DENND1A: variants seen among roughly 807,000 people sequenced by gnomAD.
The protein encoded by DENND1A is DENN domain containing 1A.
Under a neutral mutation model 113.7 loss-of-function variants are expected in DENND1A, and 51 were observed. The ratio of observed to expected loss-of-function variants is 0.45; its 90% CI spans 0.36 to 0.57. The LOEUF is 0.57. DENND1A is among the 20% of genes least tolerant of loss of function. The pLI is 0.00. For missense variants in DENND1A, 1,258 were observed against 1,395.9 expected, an observed-to-expected ratio of 0.90 and a Z score of 1.57; for synonymous variants, 565 against 570.8, an observed-to-expected ratio of 0.99 and a Z score of 0.14.
chr9:123,837,787 T>C (rs1473578612), intron 2 of DENND1A, among the ~76,000 whole-genome samples: 1 of 152,160 alleles, frequency 6.6e-6, no homozygotes, highest in African/African-American at 2.4e-5. Flanking sequence ...ACAGTGCTAG[T>C]CTACTTTGAC....
rs1302273995 is a variant in DENND1A at position 123,875,624 on chromosome 9, C to T, written c.88+3327G>A. 2.6e-5 allele frequency among the ~76,000 whole-genome samples: 4 copies of T among 152,172 alleles called. No homozygotes were observed. The South Asian group carries it at 6.2e-4, about 24-fold the overall frequency. ...ACCCTATTCCCCACTGACAGCTATC[C>T]TTAGGCCACCCTTAGACCTAGGGAT... is the stretch of plus-strand genomic sequence containing the variant. On this transcript the variant is annotated intron_variant, in intron 2 of 23. Transcript: ENST00000394215.
At chr9:123,802,394 C>CTGGT (rs1834824060) in intron 2 of DENND1A, among the ~76,000 whole-genome samples, 1 of 82,144 alleles carries the variant, frequency 1.2e-5, no homozygotes, top group Admixed American at 1.3e-4. Context: ...ACCACACCAA[C>CTGGT]ACCACCACCA....
Position 123,911,937 on chromosome 9 carries a change from G to A in DENND1A, c.17+17952C>T, listed in dbSNP as rs922357449. ...TCTCAATCTCCTGACCTCATGATCC[G>A]CCCACCTCGGCCTCCCAAAGTGCTG... On this transcript the variant is annotated intron_variant, in intron 1 of 23. Coordinates refer to ENST00000394215, the MANE Select transcript of DENND1A (RefSeq NM_001352964.2). Among the ~76,000 whole-genome samples the A allele has an allele frequency of 2.1e-4, 32 of 151,902 alleles. No individual in the cohort carries two copies. In the East Asian group the frequency reaches 3.3e-3, roughly 16 times the overall value.
intron 13 of DENND1A, among the ~76,000 whole-genome samples, chr9:123,502,922 G>C (rs1434303087): frequency 6.6e-6 from 1 of 152,200 alleles, no homozygotes; most frequent in East Asian, 1.9e-4. Flanking sequence ...AATTATTTAG[G>C]GGGAGTAGTG....
chr9:123,706,970 G>A (rs1335954231), intron 5 of DENND1A, among the ~76,000 whole-genome samples: 1 of 152,110 alleles, frequency 6.6e-6, no homozygotes, highest in Non-Finnish European at 1.5e-5. Context: ...GCCAAGAGAA[G>A]GTGTAAGCAG....
In DENND1A at chr9:123,901,931, G is replaced by A. The variant is rs7018625; in HGVS notation, c.18-22910C>T. On this transcript the variant is annotated intron_variant, in intron 1 of 23. Transcript: ENST00000394215. ...TGAGGCAGGAGAATGGTGTGAACCC[G>A]GGAGACAGAGCTTGCAGTGAGCCCA... Among the ~76,000 whole-genome samples the A allele has an allele frequency of 1.1e-3, 166 of 152,124 alleles. 1 individual carries two copies. Among genetic ancestry groups the A allele is most frequent in the African/African-American group, 2.5e-3 (102 of 41,484 alleles).
chr9:123,726,704 G>A (rs902711493), intron 5 of DENND1A, among the ~76,000 whole-genome samples: 1 of 152,170 alleles, frequency 6.6e-6, no homozygotes, highest in African/African-American at 2.4e-5. Context: ...AAAACAGCAA[G>A]TGAAGAAAAG....
chr9:123,867,731 C>T, intron 2 of DENND1A, among the ~76,000 whole-genome samples: 1 of 152,090 alleles, frequency 6.6e-6, no homozygotes, highest in East Asian at 1.9e-4. Context: ...TCTCCCCCTG[C>T]TCCCCCAACA....
chr9:123,707,542 C>T (rs2066307182), intron 5 of DENND1A, among the ~76,000 whole-genome samples: 1 of 152,082 alleles, frequency 6.6e-6, no homozygotes, highest in Non-Finnish European at 1.5e-5. Flanking sequence ...ACAGGGTTCC[C>T]TTCCCTGGAA....
intron 9 of DENND1A, among the ~76,000 whole-genome samples, chr9:123,638,787 A>G (rs1051740640): frequency 3.3e-5 from 5 of 152,106 alleles, no homozygotes; most frequent in Non-Finnish European, 7.4e-5. Context: ...TCAATGGATC[A>G]AAGTGGGCAC....
intron 5 of DENND1A, among the ~76,000 whole-genome samples, chr9:123,699,489 A>T (rs754617257): frequency 3.9e-5 from 6 of 152,094 alleles, no homozygotes; most frequent in East Asian, 3.9e-4. Flanking sequence ...CTCTCCCTCA[A>T]GCTCACCCCG....
intron 16 of DENND1A, among the ~76,000 whole-genome samples, chr9:123,454,513 G>A (rs1360663550): frequency 6.6e-6 from 1 of 152,220 alleles, no homozygotes; most frequent in Non-Finnish European, 1.5e-5. Flanking sequence ...TCCTGCAGAG[G>A]AGGAAGCCTC....
rs139192813 is a variant in DENND1A at position 123,632,311 on chromosome 9, G to A, written c.619-1835C>T. Among the ~76,000 whole-genome samples, 22 of 152,118 alleles carry A rather than the reference G, an allele frequency of 1.4e-4. 1 individual carries two copies. Among genetic ancestry groups the A allele is most frequent in the Admixed American group, 3.9e-4 (6 of 15,278 alleles). ...GTTCCCAGTGACCCCGTCAAGGCTC[G>A]CAGGTTTAACCCATCCCTTCACATT... On this transcript the variant is annotated intron_variant, in intron 9 of 23. Coordinates refer to ENST00000394215, the MANE Select transcript of DENND1A (RefSeq NM_001352964.2).
intron 2 of DENND1A, among the ~76,000 whole-genome samples, chr9:123,821,685 A>G (rs1018654054): frequency 1.3e-5 from 2 of 152,200 alleles, no homozygotes; most frequent in Admixed American, 6.5e-5. Flanking sequence ...TTTCAAACAG[A>G]CCACTTAACA....
chr9:123,925,860 A>C (rs903222539), intron 1 of DENND1A, among the ~76,000 whole-genome samples: 1 of 151,820 alleles, frequency 6.6e-6, no homozygotes, highest in African/African-American at 2.4e-5. Context: ...CAAGTCTTAG[A>C]GTATGCTTTT....
intron 8 of DENND1A, among the ~76,000 whole-genome samples, chr9:123,653,090 A>G (rs116869960): frequency 0.037 from 5,632 of 152,326 alleles, 150 homozygotes; most frequent in Non-Finnish European, 0.053. Flanking sequence ...TAATGATTAA[A>G]GATCTATAAC....
At chr9:123,513,094 A>G (rs1345731350) in intron 13 of DENND1A, among the ~76,000 whole-genome samples, 1 of 152,224 alleles carries the variant, frequency 6.6e-6, no homozygotes. Flanking sequence ...AATGTCATTC[A>G]AGGCCTGTTT....
rs377213936 is a variant in DENND1A at position 123,382,122 on chromosome 9, G to A, written c.2523C>T (p.Asp841=). ...GCGGGTCCAGGAGGGCGAGCAGGGC[G>A]TCACTGCTCGTGCCTGCAGCCCCGG... ...PGPGAAGTSS[D]ALLALLDPLS... is the part of the protein sequence containing the mutation. The change falls in exon 24 of 24, where the codon GAC becomes GAT. Residue 841 remains aspartate, a synonymous_variant. Coordinates refer to ENST00000394215, the MANE Select transcript of DENND1A (RefSeq NM_001352964.2). The A allele has an allele frequency of 4.4e-5, 70 of 1,581,260 alleles. No homozygotes were observed. Among genetic ancestry groups the A allele is most frequent in the Middle Eastern group, 3.4e-4 (2 of 5,922 alleles).
intron 1 of DENND1A, among the ~76,000 whole-genome samples, chr9:123,894,550 G>A (rs1360624626): frequency 1.3e-5 from 2 of 152,176 alleles, no homozygotes; most frequent in Non-Finnish European, 2.9e-5. Context: ...ACATCATTCT[G>A]AGCTAAGGTT....
Sources: gnomAD v4.1 joint callset for allele counts (sites outside exome capture counted in the v4.1 genomes callset) on GRCh38, gnomAD v4.1.1 for gene constraint, MANE v1.5 for transcripts, NCBI Gene and HGNC (gene_info 2026-07-23, HGNC 2026-07-21) for gene names.